The following GRIK2 variants were observed in gnomAD, a reference collection of about 807,000 sequenced individuals.
GRIK2 encodes glutamate receptor ionotropic, kainate 2.
In GRIK2, 32 loss-of-function variants were observed where a neutral mutation model predicts 100.3. That is an observed-to-expected ratio of 0.32 (90% CI 0.24 to 0.43). The LOEUF (loss-of-function observed/expected upper bound fraction) is 0.43, where lower values mean the gene tolerates loss of function less well. GRIK2 is among the 20% of genes least tolerant of loss of function. The probability of loss-of-function intolerance (pLI) is 1.00; values close to 1 mark genes in which losing one functional copy is unlikely to be tolerated. For synonymous variants in GRIK2, 417 were observed against 389.4 expected (o/e 1.07, Z -0.83); for missense variants, 843 against 1,114.9 (o/e 0.76, Z 3.47).
chr6:101,912,293 A>AAGTAG (rs1788774734), intron 12 of GRIK2, among the ~76,000 whole-genome samples: 2 of 151,440 alleles, frequency 1.3e-5, no homozygotes, highest in African/African-American at 4.8e-5. Flanking sequence ...AACCTTTAAA[A>AAGTAG]AACTCGTTTT....
At chr6:101,421,306 G>A (rs947422246) in intron 2 of GRIK2, among the ~76,000 whole-genome samples, 1 of 152,158 alleles carries the variant, frequency 6.6e-6, no homozygotes, top group South Asian at 2.1e-4. Flanking sequence ...TGTAAGCTAC[G>A]CAGCATGACA....
chr6:101,876,790 C>T (rs886212156), intron 11 of GRIK2, among the ~76,000 whole-genome samples: 1 of 151,890 alleles, frequency 6.6e-6, no homozygotes, highest in African/African-American at 2.4e-5. Flanking sequence ...TCAAATCAAT[C>T]AGTCATTGTG....
chr6:101,988,207 TTA>T (rs1794159803), intron 14 of GRIK2, among the ~76,000 whole-genome samples: 1 of 150,440 alleles, frequency 6.6e-6, no homozygotes, highest in Non-Finnish European at 1.5e-5. Context: ...ATATGTGTGT[TTA>T]TGTTTTGTGA....
intron 7 of GRIK2, among the ~76,000 whole-genome samples, chr6:101,792,634 G>A (rs374122597): frequency 1.3e-4 from 19 of 151,974 alleles, no homozygotes; most frequent in Admixed American, 4.6e-4. Flanking sequence ...TCTGGCTGCC[G>A]TTAACATTTT....
chr6:101,743,154 C>A (rs1395125026), intron 7 of GRIK2, among the ~76,000 whole-genome samples: 2 of 152,222 alleles, frequency 1.3e-5, no homozygotes, highest in Non-Finnish European at 2.9e-5. Context: ...TTTACACCAG[C>A]CCAACTGGAG....
At chr6:101,502,958 C>A (rs1773840675) in intron 2 of GRIK2, among the ~76,000 whole-genome samples, 1 of 152,092 alleles carries the variant, frequency 6.6e-6, no homozygotes. Flanking sequence ...CTCCTATTCT[C>A]ATTCTCTTCC....
In GRIK2 at chr6:102,035,014, G is replaced by T. The variant is rs1444755409; in HGVS notation, c.2086-327G>T. Among the ~76,000 whole-genome samples, 4 of 151,216 alleles carry T rather than the reference G, an allele frequency of 2.6e-5. No homozygotes were observed. The East Asian group carries it at 5.8e-4, about 22-fold the overall frequency. On this transcript the variant is annotated intron_variant, in intron 14 of 16. Coordinates refer to ENST00000369134, the MANE Select transcript of GRIK2 (RefSeq NM_021956.5). Reference sequence around the variant, plus strand: ...TACTCAGGTAAGAGACAAGCACAAAGAACTTCCTTATAAATCATTTGTTTT... The same window carrying T: ...TACTCAGGTAAGAGACAAGCACAAATAACTTCCTTATAAATCATTTGTTTT...
intron 15 of GRIK2, among the ~76,000 whole-genome samples, chr6:102,038,964 G>A (rs1770423771): frequency 1.3e-5 from 2 of 151,282 alleles, no homozygotes; most frequent in Non-Finnish European, 3.0e-5. Flanking sequence ...GGTTTGATGA[G>A]GAGATTAAAA....
intron 2 of GRIK2, among the ~76,000 whole-genome samples, chr6:101,620,497 T>A (rs1780106340): frequency 1.3e-5 from 2 of 152,160 alleles, no homozygotes; most frequent in Non-Finnish European, 2.9e-5. Context: ...TAGTCTATTC[T>A]GAGTCCTAAT....
intron 2 of GRIK2, among the ~76,000 whole-genome samples, chr6:101,532,014 C>T (rs1384587082): frequency 6.6e-6 from 1 of 151,848 alleles, no homozygotes; most frequent in Non-Finnish European, 1.5e-5. Context: ...CTTTATAAAA[C>T]CTAAGTATTG....
intron 3 of GRIK2, among the ~76,000 whole-genome samples, chr6:101,625,644 T>A (rs1379044636): frequency 1.3e-5 from 2 of 152,146 alleles, no homozygotes; most frequent in African/African-American, 4.8e-5. Context: ...TTAATCTGAA[T>A]ACCCTCTAGT....
At chr6:101,747,413 T>C (rs1776486263) in intron 7 of GRIK2, among the ~76,000 whole-genome samples, 1 of 152,168 alleles carries the variant, frequency 6.6e-6, no homozygotes, top group African/African-American at 2.4e-5. Flanking sequence ...GGCAATGGCT[T>C]TTCTGTTTGG....
At chr6:101,902,706 T>G (rs1055822696) in intron 12 of GRIK2, among the ~76,000 whole-genome samples, 1 of 151,920 alleles carries the variant, frequency 6.6e-6, no homozygotes, top group Non-Finnish European at 1.5e-5. Flanking sequence ...GGAAATTTTT[T>G]TAACTACAAC....
intron 2 of GRIK2, among the ~76,000 whole-genome samples, chr6:101,580,106 A>G (rs1778005351): frequency 6.6e-6 from 1 of 152,088 alleles, no homozygotes; most frequent in African/African-American, 2.4e-5. Flanking sequence ...TCGTAACTTT[A>G]AATACTGCCA....
rs5878708 is a variant in GRIK2 at position 101,993,859 on chromosome 6, C to A, written c.2086-41482C>A. ...TCTACTAGCAAATAATGTATTTGCT[C>A]TATTATTTAATATAAATAGGTACAT... is the stretch of plus-strand genomic sequence containing the variant. On this transcript the variant is annotated intron_variant, in intron 14 of 16. Coordinates refer to ENST00000369134, the MANE Select transcript of GRIK2 (RefSeq NM_021956.5). 3.3e-4 allele frequency: 48 copies of A among 146,888 alleles called. 1 individual carries two copies. Among genetic ancestry groups the A allele is most frequent in the Non-Finnish European group, 6.4e-4 (43 of 66,686 alleles). The allele number at this position is 146,888 out of a possible 1,614,324, so 9.1% of individuals were successfully genotyped here.
intron 7 of GRIK2, among the ~76,000 whole-genome samples, chr6:101,699,165 C>T (rs1207784150): frequency 6.6e-6 from 1 of 152,152 alleles, no homozygotes; most frequent in African/African-American, 2.4e-5. Context: ...GCTAGAGTTA[C>T]TGCCAGACCT....
intron 2 of GRIK2, among the ~76,000 whole-genome samples, chr6:101,563,461 T>C (rs1002557990): frequency 7.2e-5 from 11 of 152,200 alleles, no homozygotes; most frequent in African/African-American, 2.4e-4. Flanking sequence ...AGAGCATTCA[T>C]TTTAATAATT....
chr6:101,684,519 A>G (rs1000671026), intron 6 of GRIK2, among the ~76,000 whole-genome samples: 2 of 152,096 alleles, frequency 1.3e-5, no homozygotes, highest in African/African-American at 2.4e-5. Context: ...CTTTTTGTCA[A>G]TCATCAGCCC....
intron 9 of GRIK2, among the ~76,000 whole-genome samples, chr6:101,811,550 A>T (rs976676888): frequency 7.2e-5 from 11 of 151,956 alleles, no homozygotes; most frequent in African/African-American, 2.4e-5. Flanking sequence ...TTTGGAACTA[A>T]TATTTTTAAA....
Sources: allele counts gnomAD v4.1 joint callset (sites outside exome capture counted in the v4.1 genomes callset), GRCh38; gene constraint gnomAD v4.1.1; transcripts MANE v1.5; gene names NCBI Gene and HGNC (gene_info 2026-07-23, HGNC 2026-07-21).